The following NSMCE2 variants were observed in gnomAD, a reference collection of about 807,000 sequenced individuals.
NSMCE2 encodes the protein NSE2 SUMO ligase component of SMC5/6 complex.
A neutral mutation model predicts 23.8 loss-of-function variants in NSMCE2; 24 were observed. The observed-to-expected ratio is 1.01, with a 90% CI of 0.73 to 1.42. NSMCE2 has a LOEUF of 1.42. Ranked by LOEUF, NSMCE2 falls within the 40% of genes most tolerant of loss-of-function variation. NSMCE2 has a pLI of 0.00. For missense variants in NSMCE2, 284 were observed against 296.5 expected (o/e 0.96, Z 0.31); for synonymous variants, 92 against 94.1 (o/e 0.98, Z 0.13).
intron 5 of NSMCE2, among the ~76,000 whole-genome samples, chr8:125,253,246 G>C (rs990020456): frequency 6.6e-6 from 1 of 152,176 alleles, no homozygotes; most frequent in African/African-American, 2.4e-5. Context: ...TTAAACTGTG[G>C]TATTTGCTAG....
intron 5 of NSMCE2, among the ~76,000 whole-genome samples, chr8:125,295,671 T>A (rs1299198730): frequency 6.6e-6 from 1 of 152,188 alleles, no homozygotes; most frequent in Non-Finnish European, 1.5e-5. Context: ...GCCTCATTGG[T>A]TCCTTAATTT....
intron 1 of NSMCE2, among the ~76,000 whole-genome samples, chr8:125,095,419 G>A (rs78472454): frequency 0.017 from 2,583 of 151,410 alleles, 88 homozygotes; most frequent in African/African-American, 0.06. Flanking sequence ...GGAGATGGTC[G>A]TCTCTACTAA....
At chr8:125,242,387 A>G (rs750992687) in intron 5 of NSMCE2, among the ~76,000 whole-genome samples, 1 of 152,146 alleles carries the variant, frequency 6.6e-6, no homozygotes, top group African/African-American at 2.4e-5. Flanking sequence ...CTGAGCTTAC[A>G]TATGAGACAC....
intron 1 of NSMCE2, among the ~76,000 whole-genome samples, chr8:125,100,585 C>T (rs777177089): frequency 3.3e-5 from 5 of 151,456 alleles, no homozygotes; most frequent in South Asian, 2.1e-4. Context: ...TTTTTGAGAC[C>T]GCGTCTTGCT....
intron 5 of NSMCE2, among the ~76,000 whole-genome samples, chr8:125,306,165 ATAAAAAAT>A (rs990010994): frequency 1.1e-4 from 16 of 152,106 alleles, no homozygotes; most frequent in African/African-American, 3.6e-4. Flanking sequence ...TCCCATCTCT[ATAAAAAAT>A]TAAAAAATTA....
At chr8:125,205,215 GGTAGAGCAAGT>G (rs1824066377) in intron 5 of NSMCE2, among the ~76,000 whole-genome samples, 1 of 152,186 alleles carries the variant, frequency 6.6e-6, no homozygotes, top group African/African-American at 2.4e-5. Context: ...TCTTCCCTAA[GGTAGAGCAAGT>G]GCATGTCTAC....
intron 7 of NSMCE2, among the ~76,000 whole-genome samples, chr8:125,362,851 T>G (rs754237767): frequency 2.0e-5 from 3 of 152,198 alleles, no homozygotes; most frequent in African/African-American, 4.8e-5. Context: ...GGTGGGCGCC[T>G]GCTCTGCAGC....
rs190983030 is a variant in NSMCE2 at position 125,298,832 on chromosome 8, T to C, written c.419-58387T>C. ...ATAAGCAGGGTGATGGGTGACTTTTTAAATTAATCCTCTTAATAACTGCAA... is the reference window on the plus strand; with the variant it reads ...ATAAGCAGGGTGATGGGTGACTTTTCAAATTAATCCTCTTAATAACTGCAA... On this transcript the variant is annotated intron_variant, in intron 5 of 7. Coordinates refer to ENST00000287437, the MANE Select transcript of NSMCE2 (RefSeq NM_173685.4). Among the ~76,000 whole-genome samples, 508 of 152,222 alleles carry C rather than the reference T, an allele frequency of 3.3e-3. 6 individuals are homozygous for C. Among genetic ancestry groups the C allele is most frequent in the African/African-American group, 0.012 (484 of 41,536 alleles).
rs764781323 is a variant in NSMCE2 at position 125,151,254 on chromosome 8, G to A, written c.241G>A (p.Ala81Thr). ...TCGGCAACTAAACCATTATGTAAAG[G>A]CTGTTCAATCTACAATAAATCATGT... ...LDRQLNHYVKAVQSTINHVKE... is the reference protein window; with the variant it reads ...LDRQLNHYVKTVQSTINHVKE... Residue 81 changes from alanine to threonine, a missense_variant, in exon 4 of 8, where the codon GCT becomes ACT. Around this residue, in one of 2 missense-constraint regions of NSMCE2, gnomAD observed 182 missense variants for 155.5 expected, o/e 1.17. Transcript: ENST00000287437. 7 of 1,594,882 alleles carry A rather than the reference G, an allele frequency of 4.4e-6. No homozygotes were observed. The East Asian group carries it at 1.3e-4, about 31-fold the overall frequency.
chr8:125,147,394 A>G (rs1398022337), intron 3 of NSMCE2, among the ~76,000 whole-genome samples: 1 of 152,216 alleles, frequency 6.6e-6, no homozygotes, highest in East Asian at 1.9e-4. Flanking sequence ...TTGGATCCTA[A>G]GAACACTAAG....
intron 3 of NSMCE2, among the ~76,000 whole-genome samples, chr8:125,104,857 G>T (rs1204788830): frequency 6.6e-6 from 1 of 152,122 alleles, no homozygotes; most frequent in Non-Finnish European, 1.5e-5. Flanking sequence ...ACGAAACCCT[G>T]TCTCTACTAA....
At chr8:125,167,519 G>A (rs181122100) in intron 4 of NSMCE2, among the ~76,000 whole-genome samples, 4 of 151,912 alleles carry the variant, frequency 2.6e-5, no homozygotes, top group Middle Eastern at 3.4e-3. Flanking sequence ...ACAAAAATTA[G>A]CTGGGTTCGG....
intron 5 of NSMCE2, among the ~76,000 whole-genome samples, chr8:125,256,323 GAC>G (rs1310530924): frequency 1.3e-5 from 2 of 151,608 alleles, no homozygotes; most frequent in Non-Finnish European, 2.9e-5. Flanking sequence ...GGAGGAAAGA[GAC>G]AGTGAAAGAG....
At chr8:125,323,171 A>C (rs918066946) in intron 5 of NSMCE2, among the ~76,000 whole-genome samples, 2 of 152,260 alleles carry the variant, frequency 1.3e-5, no homozygotes, top group African/African-American at 4.8e-5. Context: ...TAATGGAAAG[A>C]TATACCATGT....
chr8:125,294,609 C>T (rs1042972449), intron 5 of NSMCE2, among the ~76,000 whole-genome samples: 6 of 152,152 alleles, frequency 3.9e-5, no homozygotes, highest in Non-Finnish European at 7.3e-5. Context: ...CTTTCTTATG[C>T]ACGTAATAGA....
chr8:125,154,492 A>G (rs1305803809), intron 4 of NSMCE2, among the ~76,000 whole-genome samples: 3 of 145,066 alleles, frequency 2.1e-5, no homozygotes, highest in Non-Finnish European at 4.5e-5. Context: ...ATTGGCATCT[A>G]TTTTAGTGCT....
intron 3 of NSMCE2, 138 bp downstream of exon 3, chr8:125,102,625 A>G: frequency 1.5e-6 from 1 of 663,760 alleles, no homozygotes; most frequent in Non-Finnish European, 2.7e-6. Flanking sequence ...TTTATTCTAC[A>G]CACCGCAGCA....
intron 5 of NSMCE2, among the ~76,000 whole-genome samples, chr8:125,261,490 A>T (rs2131049759): frequency 6.6e-6 from 1 of 151,828 alleles, no homozygotes; most frequent in African/African-American, 2.4e-5. Context: ...GTCACTTTTG[A>T]AATATTGGGA....
At chr8:125,257,755 C>T (rs538954495) in intron 5 of NSMCE2, among the ~76,000 whole-genome samples, 4 of 151,982 alleles carry the variant, frequency 2.6e-5, no homozygotes, top group Admixed American at 6.6e-5. Flanking sequence ...AGGATGGTCT[C>T]GATCTCCTGA....
Sources: gnomAD v4.1 joint callset for allele counts (sites outside exome capture counted in the v4.1 genomes callset) on GRCh38, gnomAD v4.1.1 for gene constraint, gnomAD v4.1.1 regional missense constraint, MANE v1.5 for transcripts, NCBI Gene and HGNC (gene_info 2026-07-23, HGNC 2026-07-21) for gene names.